SPAG16: variants seen among roughly 807,000 people sequenced by gnomAD.
SPAG16 encodes sperm associated antigen 16, also known as sperm-associated antigen 16 protein.
Under a neutral mutation model 80.4 loss-of-function variants are expected in SPAG16, and 86 were observed. The ratio of observed to expected loss-of-function variants is 1.07; its 90% CI spans 0.90 to 1.28. The LOEUF (loss-of-function observed/expected upper bound fraction) is 1.28, where lower values mean the gene tolerates loss of function less well. Ranked by LOEUF, SPAG16 falls within the 50% of genes most tolerant of loss-of-function variation. The probability of loss-of-function intolerance (pLI) is 0.00; values close to 1 mark genes in which losing one functional copy is unlikely to be tolerated. For missense variants in SPAG16, 870 were observed against 765.3 expected, an observed-to-expected ratio of 1.14 and a Z score of -1.61; for synonymous variants, 294 against 265.9, an observed-to-expected ratio of 1.11 and a Z score of -1.03.
chr2:213,717,851 T>G (rs1222541678), intron 10 of SPAG16, among the ~76,000 whole-genome samples: 2 of 152,108 alleles, frequency 1.3e-5, no homozygotes, highest in Admixed American at 6.6e-5. Flanking sequence ...CTTTCCATTT[T>G]ACAAAATGGG....
intron 15 of SPAG16, among the ~76,000 whole-genome samples, chr2:214,217,218 A>C (rs2058454362): frequency 1.3e-5 from 2 of 152,278 alleles, no homozygotes; most frequent in Non-Finnish European, 2.9e-5. Context: ...TAAAGCATGC[A>C]ATGCTTAGAC....
chr2:213,972,821 T>C (rs1251550810), intron 12 of SPAG16, among the ~76,000 whole-genome samples: 1 of 152,180 alleles, frequency 6.6e-6, no homozygotes, highest in African/African-American at 2.4e-5. Flanking sequence ...ACCATATACT[T>C]TTTCCCTTAT....
chr2:213,913,927 A>G (rs562627036), intron 11 of SPAG16, among the ~76,000 whole-genome samples: 2 of 152,226 alleles, frequency 1.3e-5, no homozygotes, highest in Admixed American at 6.5e-5. Context: ...AAGGCCTTCA[A>G]CTGATTGGAA....
intron 9 of SPAG16, among the ~76,000 whole-genome samples, chr2:213,397,978 C>G (rs2068125223): frequency 6.6e-6 from 1 of 152,146 alleles, no homozygotes; most frequent in South Asian, 2.1e-4. Flanking sequence ...ATCTCCCCTT[C>G]CATGTTCTCC....
At chr2:213,546,645 T>C (rs2076621258) in intron 10 of SPAG16, among the ~76,000 whole-genome samples, 1 of 152,098 alleles carries the variant, frequency 6.6e-6, no homozygotes, top group Non-Finnish European at 1.5e-5. Context: ...AAGAAAAACA[T>C]AGGAGATATG....
At chr2:213,574,277 A>T (rs956427856) in intron 10 of SPAG16, among the ~76,000 whole-genome samples, 3 of 152,036 alleles carry the variant, frequency 2.0e-5, no homozygotes, top group African/African-American at 7.2e-5. Context: ...ACTTTCCATG[A>T]CTGTTTTCTT....
intron 14 of SPAG16, among the ~76,000 whole-genome samples, chr2:214,144,445 C>T (rs1461654345): frequency 6.6e-6 from 1 of 151,784 alleles, no homozygotes; most frequent in Non-Finnish European, 1.5e-5. Context: ...GTTTTAATGG[C>T]TTTATAATTA....
chr2:214,314,302 A>G (rs957374047), intron 15 of SPAG16, among the ~76,000 whole-genome samples: 3 of 152,204 alleles, frequency 2.0e-5, no homozygotes, highest in African/African-American at 4.8e-5. Flanking sequence ...CTAGTGTTAA[A>G]ACTTATGGAT....
chr2:214,037,281 G>A (rs994112255), intron 13 of SPAG16, among the ~76,000 whole-genome samples: 3 of 151,486 alleles, frequency 2.0e-5, no homozygotes, highest in East Asian at 1.9e-4. Flanking sequence ...AATTTGTTTT[G>A]TATTTTCATA....
At chr2:213,948,708 G>A (rs1000642216) in intron 12 of SPAG16, among the ~76,000 whole-genome samples, 1 of 151,970 alleles carries the variant, frequency 6.6e-6, no homozygotes, top group African/African-American at 2.4e-5. Context: ...ACTCCATGGA[G>A]CCCCTAATCT....
chr2:213,664,130 C>T (rs570907492), intron 10 of SPAG16, among the ~76,000 whole-genome samples: 1 of 152,022 alleles, frequency 6.6e-6, no homozygotes, highest in African/African-American at 2.4e-5. Flanking sequence ...TGTCATATTG[C>T]CTTTTCTCCC....
At chr2:214,314,498 C>A (rs1290304824) in intron 15 of SPAG16, among the ~76,000 whole-genome samples, 4 of 152,268 alleles carry the variant, frequency 2.6e-5, no homozygotes, top group African/African-American at 9.6e-5. Context: ...GGAGCAAAGA[C>A]CCTACAGTCA....
At chr2:214,264,509 A>G (rs1000525677) in intron 15 of SPAG16, among the ~76,000 whole-genome samples, 1 of 152,174 alleles carries the variant, frequency 6.6e-6, no homozygotes, top group African/African-American at 2.4e-5. Flanking sequence ...GACAGAAGGT[A>G]TAGGAAGTTT....
intron 10 of SPAG16, among the ~76,000 whole-genome samples, chr2:213,796,847 G>A (rs987622763): frequency 6.6e-5 from 10 of 151,964 alleles, no homozygotes; most frequent in Admixed American, 3.9e-4. Context: ...CTATAAAATA[G>A]TCTCAGGCAG....
chr2:213,970,006 T>A (rs960548870), intron 12 of SPAG16, among the ~76,000 whole-genome samples: 1 of 152,132 alleles, frequency 6.6e-6, no homozygotes, highest in East Asian at 1.9e-4. Flanking sequence ...CACCAGCAGA[T>A]TTGGTGTTTG....
intron 10 of SPAG16, among the ~76,000 whole-genome samples, chr2:213,652,645 A>G (rs891436034): frequency 2.0e-5 from 3 of 152,150 alleles, no homozygotes; most frequent in Non-Finnish European, 4.4e-5. Flanking sequence ...AAAGCTAATT[A>G]TATCAGACAT....
chr2:213,640,839 T>C (rs2062560192), intron 10 of SPAG16, among the ~76,000 whole-genome samples: 1 of 152,164 alleles, frequency 6.6e-6, no homozygotes, highest in South Asian at 2.1e-4. Context: ...GGTTGTTCTG[T>C]TATGACTTGC....
intron 15 of SPAG16, among the ~76,000 whole-genome samples, chr2:214,278,895 G>T (rs1559176733): frequency 6.6e-6 from 1 of 152,152 alleles, no homozygotes; most frequent in African/African-American, 2.4e-5. Flanking sequence ...ACCTAAATGT[G>T]GAACTGTGAT....
chr2:214,014,221 A>T (rs2047472122), intron 13 of SPAG16, 144 bp downstream of exon 13: 2 of 987,892 alleles, frequency 2.0e-6, no homozygotes, highest in Admixed American at 5.2e-5. Context: ...TAATTACAAG[A>T]TCCTTTCTAT....
Sources: gnomAD v4.1 joint callset for allele counts (sites outside exome capture counted in the v4.1 genomes callset) on GRCh38, gnomAD v4.1.1 for gene constraint, MANE v1.5 for transcripts, NCBI Gene and HGNC (gene_info 2026-07-23, HGNC 2026-07-21) for gene names.